Variants in ABHD12 observed in about 807,000 individuals in gnomAD.
The protein encoded by ABHD12 is abhydrolase domain containing 12, lysophospholipase.
A neutral mutation model predicts 58.3 loss-of-function variants in ABHD12; 43 were observed. The ratio of observed to expected loss-of-function variants is 0.74; its 90% CI spans 0.58 to 0.95. The LOEUF is 0.95. ABHD12 is among the 40% of genes least tolerant of loss of function. The pLI is 0.00. For missense variants in ABHD12, 539 were observed against 537.2 expected (o/e 1.00, Z -0.03); for synonymous variants, 219 against 211.2 (o/e 1.04, Z -0.32).
intron 1 of ABHD12, among the ~76,000 whole-genome samples, chr20:25,347,429 T>C (rs2089534111): frequency 1.3e-5 from 2 of 152,314 alleles, no homozygotes; most frequent in South Asian, 4.1e-4. Flanking sequence ...TTTTCTTCAT[T>C]TAATTATGAA....
intron 1 of ABHD12, among the ~76,000 whole-genome samples, chr20:25,369,337 T>A (rs114768712): frequency 0.013 from 1,905 of 152,262 alleles, 44 homozygotes; most frequent in African/African-American, 0.041. Context: ...ATATTCTAGA[T>A]AAAGTTAAAA....
intron 1 of ABHD12, among the ~76,000 whole-genome samples, chr20:25,348,384 G>A (rs1053523370): frequency 6.6e-5 from 9 of 136,530 alleles, no homozygotes; most frequent in African/African-American, 2.4e-4. Flanking sequence ...TTTTAATAAA[G>A]AATACTATGT....
At chr20:25,305,770 C>T (rs2088726294) in intron 10 of ABHD12, among the ~76,000 whole-genome samples, 1 of 152,128 alleles carries the variant, frequency 6.6e-6, no homozygotes, top group African/African-American at 2.4e-5. Flanking sequence ...AACTAGAATA[C>T]TTAACTTTTG....
chr20:25,351,549 C>T (rs900097210), intron 1 of ABHD12, among the ~76,000 whole-genome samples: 1 of 152,198 alleles, frequency 6.6e-6, no homozygotes, highest in African/African-American at 2.4e-5. Flanking sequence ...TTGGGACTTG[C>T]CCTGGAAAGT....
At chr20:25,330,113 G>A (rs2089244807) in intron 2 of ABHD12, among the ~76,000 whole-genome samples, 1 of 152,268 alleles carries the variant, frequency 6.6e-6, no homozygotes, top group Non-Finnish European at 1.5e-5. Flanking sequence ...CGCGCACCGT[G>A]CGCAAGCCAA....
chr20:25,307,568 C>A (rs539658927), intron 9 of ABHD12, among the ~76,000 whole-genome samples: 1 of 152,374 alleles, frequency 6.6e-6, no homozygotes, highest in South Asian at 2.1e-4. Flanking sequence ...GGGCCTTTCC[C>A]CAAGATAAAA....
chr20:25,325,629 A>C (rs2089161677), intron 2 of ABHD12, among the ~76,000 whole-genome samples: 1 of 152,338 alleles, frequency 6.6e-6, no homozygotes, highest in Admixed American at 6.5e-5. Flanking sequence ...GCTGCCAGAC[A>C]GACAGGCAAG....
At chr20:25,325,932 G>A (rs1456853679) in intron 2 of ABHD12, among the ~76,000 whole-genome samples, 4 of 151,946 alleles carry the variant, frequency 2.6e-5, no homozygotes, top group South Asian at 2.1e-4. Context: ...TTAGCCAGGC[G>A]TGGTGGTGTG....
At position 25,359,423 on chromosome 20, in the gene ABHD12, CAAAAA is replaced by C. The variant is rs565367954; in HGVS notation, c.192-20077_192-20073del. ...TGGGCCACAGAGCGAGACTCCGTCT[CAAAAA>C]AAAAAAAAAAAAAAAAACATTTCTA... On this transcript the variant is annotated intron_variant, in intron 1 of 12. Coordinates refer to ENST00000339157, the MANE Select transcript of ABHD12 (RefSeq NM_001042472.3). 3.3e-3 allele frequency among the ~76,000 whole-genome samples: 211 copies of C among 63,096 alleles called. 2 individuals are homozygous for C. Among genetic ancestry groups the C allele is most frequent in the African/African-American group, 8.2e-3 (197 of 24,048 alleles). 41.4% of individuals were successfully genotyped at this position (63,096 alleles called of 152,430 possible).
At chr20:25,350,329 GTCCCCACCTAAA>G (rs2089581472) in intron 1 of ABHD12, among the ~76,000 whole-genome samples, 1 of 152,204 alleles carries the variant, frequency 6.6e-6, no homozygotes, top group African/African-American at 2.4e-5. Flanking sequence ...ATTTGGCTGT[GTCCCCACCTAAA>G]TCTCATCTTG....
At position 25,331,874 on chromosome 20, in the gene ABHD12, A is replaced by G. The variant is rs539748393; in HGVS notation, c.316+7353T>C. On this transcript the variant is annotated intron_variant, in intron 2 of 12. Coordinates refer to ENST00000339157, the MANE Select transcript of ABHD12 (RefSeq NM_001042472.3). The stretch of plus-strand genomic sequence containing the variant: ...TCATGCCAAAATGTAAAGACCATCG[A>G]GACTAGGAAGAAACTGCATCAACTA... Among the ~76,000 whole-genome samples, 376 of 152,314 alleles carry G rather than the reference A, an allele frequency of 2.5e-3. 1 individual carries two copies. Among genetic ancestry groups the G allele is most frequent in the Non-Finnish European group, 3.9e-3 (268 of 68,030 alleles).
At chr20:25,323,282 C>A in intron 3 of ABHD12, 43 bp downstream of exon 3, 1 of 1,315,622 alleles carries the variant, frequency 7.6e-7, no homozygotes, top group Non-Finnish European at 1.1e-6. Context: ...ATGTAGGGTC[C>A]TTTCCTGCTG....
chr20:25,320,347 G>A (rs2145971060), intron 3 of ABHD12, 29 bp from the exon 4 acceptor site: 2 of 1,611,372 alleles, frequency 1.2e-6, no homozygotes, highest in East Asian at 2.2e-5. Flanking sequence ...GGGAGCGCAG[G>A]ATCAGATGTC....
At chr20:25,307,569 C>T (rs2145930252) in intron 9 of ABHD12, among the ~76,000 whole-genome samples, 1 of 152,360 alleles carries the variant, frequency 6.6e-6, no homozygotes, top group Non-Finnish European at 1.5e-5. Flanking sequence ...GGCCTTTCCC[C>T]AAGATAAAAC....
intron 2 of ABHD12, among the ~76,000 whole-genome samples, chr20:25,331,505 A>C (rs2146007718): frequency 6.6e-6 from 1 of 152,254 alleles, no homozygotes; most frequent in African/African-American, 2.4e-5. Flanking sequence ...CATAATTGTC[A>C]GATTCACGAA....
Position 25,380,362 on chromosome 20 carries a change from A to G in ABHD12, c.191+10151T>C, listed in dbSNP as rs1215087145. Among the ~76,000 whole-genome samples, 4 of 152,246 alleles carry G rather than the reference A, an allele frequency of 2.6e-5. No individual in the cohort carries two copies. In the East Asian group the frequency reaches 5.8e-4, roughly 22 times the overall value. On this transcript the variant is annotated intron_variant, in intron 1 of 12. Transcript: ENST00000339157. ...TATATCACATAACTATCATAATATCATAATTATCAATATAGTGGGCTGCCT... is the reference window on the plus strand; with the variant it reads ...TATATCACATAACTATCATAATATCGTAATTATCAATATAGTGGGCTGCCT...
At chr20:25,303,529 G>A (rs1389614919) in intron 11 of ABHD12, 21 bp downstream of exon 11, 2 of 1,612,504 alleles carry the variant, frequency 1.2e-6, no homozygotes, top group Non-Finnish European at 8.5e-7. Context: ...AGCTACACCA[G>A]AGGCAGAGGC....
At chr20:25,316,257 T>G (rs1463472789) in intron 5 of ABHD12, among the ~76,000 whole-genome samples, 1 of 152,174 alleles carries the variant, frequency 6.6e-6, no homozygotes, top group Non-Finnish European at 1.5e-5. Flanking sequence ...CCTCCCAGGT[T>G]TAAGCAATTC....
chr20:25,346,635 TA>T (rs1396346908), intron 1 of ABHD12, among the ~76,000 whole-genome samples: 4 of 152,160 alleles, frequency 2.6e-5, no homozygotes, highest in African/African-American at 7.2e-5. Context: ...AAAACTGCTC[TA>T]AAAAATAAAG....
Sources: gnomAD v4.1 joint callset for allele counts (sites outside exome capture counted in the v4.1 genomes callset) on GRCh38, gnomAD v4.1.1 for gene constraint, MANE v1.5 for transcripts, NCBI Gene and HGNC (gene_info 2026-07-23, HGNC 2026-07-21) for gene names.